Variants in TMCO6 observed in about 807,000 individuals in gnomAD.
TMCO6 encodes transmembrane and coiled-coil domain-containing protein 6.
Under a neutral mutation model 61.8 loss-of-function variants are expected in TMCO6, and 47 were observed. The observed-to-expected ratio is 0.76, with a 90% CI of 0.60 to 0.97. The LOEUF (loss-of-function observed/expected upper bound fraction) is 0.97. TMCO6 is among the 50% of genes least tolerant of loss of function. The pLI, the probability that TMCO6 is intolerant of heterozygous loss-of-function variation, is 0.00. For synonymous variants in TMCO6, 261 were observed against 254.2 expected (o/e 1.03, Z -0.25); for missense variants, 557 against 601.6 (o/e 0.93, Z 0.78).
At chr5:140,646,244 C>T (rs1757391417), downstream of TMCO6, among the ~76,000 whole-genome samples, 2 of 152,146 alleles carry the variant, frequency 1.3e-5, no homozygotes, top group South Asian at 4.1e-4. Flanking sequence ...CTCCTGACCT[C>T]AGGTGATCCA....
the TMCO6 span, among the ~76,000 whole-genome samples, chr5:140,614,239 T>A: frequency 1.3e-5 from 2 of 151,234 alleles, no homozygotes; most frequent in Non-Finnish European, 2.9e-5. Context: ...CCAGGCACAG[T>A]AGCTCATGCC....
At chr5:140,647,135 C>A, downstream of TMCO6, 1 of 1,084,744 alleles carries the variant, frequency 9.2e-7, no homozygotes. Flanking sequence ...AGATCAACAG[C>A]AAGGCTAAAG....
At chr5:140,646,921 TCA>T (rs1443266584), downstream of TMCO6, 2 of 224,406 alleles carry the variant, frequency 8.9e-6, no homozygotes, top group Admixed American at 5.1e-5. Flanking sequence ...ACTGAGATTC[TCA>T]CACACTACCT....
intron 7 of TMCO6, 47 bp downstream of exon 7, chr5:140,643,088 C>T (rs1757149725): frequency 2.5e-6 from 4 of 1,612,410 alleles, no homozygotes; most frequent in Non-Finnish European, 3.4e-6. Context: ...CTGGGGCTCC[C>T]TTCCATGACA....
At chr5:140,618,932 C>T in the TMCO6 span, among the ~76,000 whole-genome samples, 1 of 152,050 alleles carries the variant, frequency 6.6e-6, no homozygotes, top group Non-Finnish European at 1.5e-5. Context: ...TTTTTAGATA[C>T]CACACCAAAG....
intron 9 of TMCO6, 43 bp downstream of exon 9, chr5:140,644,009 G>C (rs1214109502): frequency 5.0e-6 from 8 of 1,613,308 alleles, no homozygotes; most frequent in Non-Finnish European, 6.8e-6. Flanking sequence ...TTGGATAATG[G>C]GGATATTTCC....
chr5:140,626,953 T>C, the TMCO6 span, among the ~76,000 whole-genome samples: 432 of 152,334 alleles, frequency 2.8e-3, 3 homozygotes, highest in Middle Eastern at 0.014. Flanking sequence ...CCTTTAACTT[T>C]AGCCAGTATG....
At chr5:140,645,631 G>C, downstream of TMCO6, 2 of 1,614,174 alleles carry the variant, frequency 1.2e-6, no homozygotes, top group African/African-American at 1.3e-5. Flanking sequence ...CTGGTTACCT[G>C]ATCAGCACTG....
the TMCO6 span, among the ~76,000 whole-genome samples, chr5:140,612,360 G>A: frequency 7.7e-4 from 55 of 71,158 alleles, 1 homozygote; most frequent in South Asian, 0.018. Context: ...TTTTTTTTGA[G>A]ACGGAGTCTC....
intron 11 of TMCO6, 65 bp from the exon 12 acceptor site, chr5:140,644,919 AG>A: frequency 6.4e-7 from 1 of 1,560,232 alleles, no homozygotes. Flanking sequence ...CTGACCCATG[AG>A]GCTGTGGGAA....
At chr5:140,598,551 A>G in the TMCO6 span, among the ~76,000 whole-genome samples, 2 of 152,216 alleles carry the variant, frequency 1.3e-5, no homozygotes, top group Non-Finnish European at 2.9e-5. Flanking sequence ...TGGTGGTCCA[A>G]ATTAGTACAG....
the TMCO6 span, among the ~76,000 whole-genome samples, chr5:140,617,096 GA>G: frequency 6.6e-6 from 1 of 151,678 alleles, no homozygotes; most frequent in Non-Finnish European, 1.5e-5. Flanking sequence ...TTTCTCCAAA[GA>G]AGATATATAA....
the TMCO6 span, among the ~76,000 whole-genome samples, chr5:140,607,561 A>T: frequency 1.3e-5 from 2 of 152,132 alleles, no homozygotes; most frequent in Non-Finnish European, 2.9e-5. Flanking sequence ...TATAATGAGG[A>T]GTACAATTAT....
the TMCO6 span, among the ~76,000 whole-genome samples, chr5:140,599,330 T>G: frequency 6.6e-6 from 1 of 152,150 alleles, no homozygotes; most frequent in East Asian, 1.9e-4. Context: ...CTTTAATCTA[T>G]CCCTCAAATT....
At chr5:140,632,780 C>A in the TMCO6 span, 2 of 1,613,550 alleles carry the variant, frequency 1.2e-6, no homozygotes, top group Non-Finnish European at 1.7e-6. This position sits in a 1 kb window ranked among gnomAD's most constrained non-coding sequence, Gnocchi z 6.2. Context: ...GCTTTAGAAA[C>A]GGCTCTAGGT....
chr5:140,643,550 T>A lies in TMCO6; in HGVS notation c.807-14T>A. On this transcript the variant is annotated splice_polypyrimidine_tract_variant and intron_variant, in intron 7 of 11. Transcript: ENST00000394671. ...GACTATATACCTAGGGACTGCTTGCTTCCTGTTGCCCAGCCAGGTCAGCAA... is the reference window on the plus strand; with the variant it reads ...GACTATATACCTAGGGACTGCTTGCATCCTGTTGCCCAGCCAGGTCAGCAA... The A allele has an allele frequency of 6.2e-7, 1 of 1,612,328 alleles. No individual in the cohort carries two copies.
At chr5:140,646,113 C>T (rs1757383838), downstream of TMCO6, among the ~76,000 whole-genome samples, 3 of 151,248 alleles carry the variant, frequency 2.0e-5, no homozygotes, top group South Asian at 6.3e-4. Context: ...TGGGTTCAAG[C>T]AATTCTCCTG....
chr5:140,604,915 G>A, the TMCO6 span, among the ~76,000 whole-genome samples: 1 of 151,784 alleles, frequency 6.6e-6, no homozygotes, highest in African/African-American at 2.4e-5. Context: ...TTATTTCCAG[G>A]CTCTAATCCT....
At chr5:140,636,683 A>G (rs769969482), upstream of TMCO6, among the ~76,000 whole-genome samples, 2 of 152,126 alleles carry the variant, frequency 1.3e-5, no homozygotes, top group African/African-American at 2.4e-5. Flanking sequence ...GGGAGAGAAG[A>G]TATGGAGGAT....
Sources: allele counts gnomAD v4.1 joint callset (sites outside exome capture counted in the v4.1 genomes callset), GRCh38; gene constraint gnomAD v4.1.1; non-coding constraint Gnocchi (gnomAD v3.1); transcripts MANE v1.5; gene names NCBI Gene and HGNC (gene_info 2026-07-23, HGNC 2026-07-21).